Variants in UTRN observed in about 807,000 individuals in gnomAD.
The protein encoded by UTRN is dystrophin-related protein 1.
A neutral mutation model predicts 463.9 loss-of-function variants in UTRN; 283 were observed. That is an observed-to-expected ratio of 0.61 (90% CI 0.55 to 0.67). The LOEUF is 0.67. UTRN is among the 30% of genes least tolerant of loss of function. UTRN has a pLI of 0.00. For missense variants in UTRN, 3,922 were observed against 4,084.3 expected (o/e 0.96, Z 1.08); for synonymous variants, 1,442 against 1,431.5 (o/e 1.01, Z -0.17).
At chr6:144,389,192 A>G (rs1781684532) in intron 2 of UTRN, among the ~76,000 whole-genome samples, 1 of 152,216 alleles carries the variant, frequency 6.6e-6, no homozygotes, top group Non-Finnish European at 1.5e-5. Context: ...TCCAGGTCAT[A>G]GGTTAATAAG....
At chr6:144,597,345 T>C (rs548320680) in intron 51 of UTRN, among the ~76,000 whole-genome samples, 4 of 152,280 alleles carry the variant, frequency 2.6e-5, no homozygotes, top group Non-Finnish European at 5.9e-5. Context: ...ATTTAAAAAT[T>C]CATTTTTTCC....
intron 3 of UTRN, among the ~76,000 whole-genome samples, chr6:144,415,069 T>C (rs766628305): frequency 1.3e-5 from 2 of 152,236 alleles, no homozygotes; most frequent in Non-Finnish European, 2.9e-5. Context: ...GATACATAAA[T>C]ACTTACCATG....
intron 51 of UTRN, among the ~76,000 whole-genome samples, chr6:144,641,519 C>T (rs1209678117): frequency 6.6e-6 from 1 of 152,096 alleles, no homozygotes; most frequent in Admixed American, 6.6e-5. Context: ...GGCATGTTGA[C>T]CCCCTCTTCC....
chr6:144,561,219 A>T (rs1405438241), intron 50 of UTRN, among the ~76,000 whole-genome samples: 3 of 33,438 alleles, frequency 9.0e-5, no homozygotes, highest in African/African-American at 2.9e-4. Flanking sequence ...ATATATATAT[A>T]TATATATATA....
In UTRN at chr6:144,482,279, C is replaced by T. The variant is rs1176061894; in HGVS notation, c.3578C>T (p.Ala1193Val). Residue 1193 changes from alanine to valine, a missense_variant, in exon 27 of 75, where the codon GCT becomes GTT. By Grantham distance (64) the Ala-to-Val change is moderately conservative. Coordinates refer to ENST00000367545, the MANE Select transcript of UTRN (RefSeq NM_007124.3). ...KILKDNIKLL[A>V]AKVPSGGQEL... ...CTCAAGGACAACATCAAGTTATTAGCTGCCAAGGTGCCCTCTGGTGGCCAG... is the reference window on the plus strand; with the variant it reads ...CTCAAGGACAACATCAAGTTATTAGTTGCCAAGGTGCCCTCTGGTGGCCAG... The T allele has an allele frequency of 1.9e-6, 3 of 1,609,586 alleles. No homozygotes were observed. In the Admixed American group the frequency reaches 5.1e-5, roughly 28 times the overall value.
chr6:144,417,748 ATTTG>A (rs1309805319), intron 3 of UTRN, among the ~76,000 whole-genome samples: 1 of 152,158 alleles, frequency 6.6e-6, no homozygotes, highest in East Asian at 1.9e-4. Context: ...CAATTGGTTT[ATTTG>A]TTTATGTATT....
At chr6:144,481,181 C>T (rs1275107540) in intron 26 of UTRN, among the ~76,000 whole-genome samples, 2 of 152,170 alleles carry the variant, frequency 1.3e-5, no homozygotes, top group East Asian at 3.9e-4. Flanking sequence ...TACAAAACCA[C>T]TACACTTAAT....
chr6:144,575,312 G>A (rs1801331380), intron 50 of UTRN, among the ~76,000 whole-genome samples: 1 of 152,076 alleles, frequency 6.6e-6, no homozygotes, highest in South Asian at 2.1e-4. Flanking sequence ...TTAAATCCCA[G>A]CACCCAAAAA....
chr6:144,316,957 T>C (rs1294511726), intron 2 of UTRN, among the ~76,000 whole-genome samples: 3 of 152,166 alleles, frequency 2.0e-5, no homozygotes, highest in Admixed American at 6.5e-5. Flanking sequence ...AATGAGTGGA[T>C]TGGTAAGATA....
At chr6:144,407,163 A>G (rs974142412) in intron 3 of UTRN, among the ~76,000 whole-genome samples, 1 of 151,968 alleles carries the variant, frequency 6.6e-6, no homozygotes, top group African/African-American at 2.4e-5. Flanking sequence ...CTTTTTTCCT[A>G]GGTTAGACAT....
intron 54 of UTRN, among the ~76,000 whole-genome samples, chr6:144,745,616 T>C (rs1279130065): frequency 6.6e-6 from 1 of 152,218 alleles, no homozygotes; most frequent in Non-Finnish European, 1.5e-5. Context: ...CAAGGACTGC[T>C]CAATCAATAA....
chr6:144,487,823 C>CCCCTGT, intron 29 of UTRN, 126 bp downstream of exon 29: 1 of 825,434 alleles, frequency 1.2e-6, no homozygotes, highest in Non-Finnish European at 1.8e-6. Context: ...GTAACCAATG[C>CCCCTGT]TAACAGGGGC....
rs981026547 is a variant in UTRN at position 144,286,043 on chromosome 6, C to T, written c.-93+222C>T. Among the ~76,000 whole-genome samples, 4 of 152,212 alleles carry T rather than the reference C, an allele frequency of 2.6e-5. No homozygotes were observed. The highest frequency in any genetic ancestry group is 4.8e-5 in the African/African-American group (2 of 41,460). On this transcript the variant is annotated intron_variant, in intron 1 of 74. Transcript: ENST00000367545. This position sits in a 1 kb window ranked among gnomAD's most constrained non-coding sequence, Gnocchi z 4.4. ...CTCCCCGCGGTGCGAGAGAGAATGC[C>T]GGAGGCGTGGAGAGCTCGGGCGTGG... is the stretch of plus-strand genomic sequence containing the variant.
intron 58 of UTRN, among the ~76,000 whole-genome samples, chr6:144,769,686 G>A (rs962200550): frequency 1.3e-4 from 20 of 152,290 alleles, no homozygotes; most frequent in Non-Finnish European, 8.8e-5. Flanking sequence ...CTACATTACC[G>A]ATGGCTTTAG....
At chr6:144,633,638 C>G (rs1239646285) in intron 51 of UTRN, among the ~76,000 whole-genome samples, 3 of 152,184 alleles carry the variant, frequency 2.0e-5, no homozygotes, top group African/African-American at 4.8e-5. Flanking sequence ...CAATTTCTTT[C>G]AGATAGTCAC....
rs1534442 is a variant in UTRN at position 144,548,904 on chromosome 6, T to C, written c.6810+50T>C. 0.26 allele frequency: 410,584 copies of C among 1,574,176 alleles called. 58,303 individuals carry two copies. Among genetic ancestry groups the C allele is most frequent in the East Asian group, 0.6 (26,408 of 44,348 alleles). ...TCATGGAAACGCCACAACCCAGAGG[T>C]AGACCAGATCTGTTTGAATCCCTTT... is the stretch of plus-strand genomic sequence containing the variant. On this transcript the variant is annotated intron_variant, in intron 47 of 74. Coordinates refer to ENST00000367545, the MANE Select transcript of UTRN (RefSeq NM_007124.3).
At position 144,452,965 on chromosome 6, in the gene UTRN, A is replaced by G. The variant is rs369953726; in HGVS notation, c.2197-817A>G. Among the ~76,000 whole-genome samples the G allele has an allele frequency of 6.6e-5, 10 of 151,732 alleles. No homozygotes were observed. In the East Asian group the frequency reaches 9.7e-4, roughly 15 times the overall value. ...TCAAAGAAAAAAAAAAAAAAAAGGA[A>G]CAAAATGCTTTGGTTTGGGTTCTAA... On this transcript the variant is annotated intron_variant, in intron 18 of 74. Coordinates refer to ENST00000367545, the MANE Select transcript of UTRN (RefSeq NM_007124.3).
In UTRN at chr6:144,591,100, G is replaced by GA. The variant is rs528281896; in HGVS notation, c.7479+13812_7479+13813insA. 3.9e-3 allele frequency among the ~76,000 whole-genome samples: 601 copies of GA among 152,172 alleles called. 5 individuals are homozygous for GA. Among genetic ancestry groups the GA allele is most frequent in the African/African-American group, 0.012 (516 of 41,510 alleles). ...GCACAGTCTCATGTCTCTTGGTTGT[G>GA]GTGATGGCATCATAATCTTCATTAT... On this transcript the variant is annotated intron_variant, in intron 51 of 74. Coordinates refer to ENST00000367545, the MANE Select transcript of UTRN (RefSeq NM_007124.3).
At chr6:144,474,067 G>A (rs909908886) in intron 24 of UTRN, among the ~76,000 whole-genome samples, 6 of 151,832 alleles carry the variant, frequency 4.0e-5, no homozygotes, top group Non-Finnish European at 8.8e-5. Flanking sequence ...TAGAGAACAA[G>A]AACAATTTTG....
Sources: gnomAD v4.1 joint callset for allele counts (sites outside exome capture counted in the v4.1 genomes callset) on GRCh38, gnomAD v4.1.1 for gene constraint, Gnocchi (gnomAD v3.1) non-coding constraint, MANE v1.5 for transcripts, NCBI Gene and HGNC (gene_info 2026-07-23, HGNC 2026-07-21) for gene names.